RAMP1: variants seen among roughly 807,000 people sequenced by gnomAD.
RAMP1 encodes receptor activity modifying protein 1.
In RAMP1, 7 loss-of-function variants were observed where a neutral mutation model predicts 8.2. The ratio of observed to expected loss-of-function variants is 0.85; its 90% CI spans 0.49 to 1.60. The LOEUF is 1.60. Ranked by LOEUF, RAMP1 falls within the 40% of genes most tolerant of loss-of-function variation. RAMP1 has a pLI of 0.00. For synonymous variants in RAMP1, 92 were observed against 84.7 expected (o/e 1.09, Z -0.47); for missense variants, 192 against 202.4 (o/e 0.95, Z 0.31).
Position 237,862,282 on chromosome 2 carries a change from A to T in RAMP1, c.52+2555A>T, listed in dbSNP as rs943912391. 6.6e-6 allele frequency among the ~76,000 whole-genome samples: 1 copy of T among 152,184 alleles called. No homozygotes were observed. The highest frequency in any genetic ancestry group is 1.5e-5 in the Non-Finnish European group (1 of 68,024). ...GACACAGTTCTCATGCCAAAGTCCA[A>T]ATCTGAAGGATTCTTATTTGTTAAT... On this transcript the variant is annotated intron_variant, in intron 1 of 2. Coordinates refer to ENST00000254661, the MANE Select transcript of RAMP1 (RefSeq NM_005855.4). The surrounding 1 kb of genome is among the most constrained non-coding windows in gnomAD (Gnocchi z 4.0).
At chr2:237,883,911 A>AC (rs1249260837) in intron 2 of RAMP1, among the ~76,000 whole-genome samples, 1 of 119,044 alleles carries the variant, frequency 8.4e-6, no homozygotes, top group African/African-American at 3.9e-5. Context: ...CTGTAGGTCC[A>AC]CTTTTTTTTT....
At position 237,865,950 on chromosome 2, in the gene RAMP1, A is replaced by G. The variant is rs1357735479; in HGVS notation, c.52+6223A>G. ...GTGAAACCAGAGAGCATGCCTGTGT[A>G]GGTTTCCTCCAGTGCCTTATGGTTC... On this transcript the variant is annotated intron_variant, in intron 1 of 2. Coordinates refer to ENST00000254661, the MANE Select transcript of RAMP1 (RefSeq NM_005855.4). The surrounding 1 kb of genome is among the most constrained non-coding windows in gnomAD (Gnocchi z 4.2). 1.3e-5 allele frequency among the ~76,000 whole-genome samples: 2 copies of G among 152,240 alleles called. No individual in the cohort carries two copies. The highest frequency in any genetic ancestry group is 4.8e-5 in the African/African-American group (2 of 41,464).
chr2:237,860,591 G>A (rs1225862593), intron 1 of RAMP1, among the ~76,000 whole-genome samples: 1 of 152,224 alleles, frequency 6.6e-6, no homozygotes, highest in Non-Finnish European at 1.5e-5. Flanking sequence ...ATTATTCCGT[G>A]TATTTAGCTA....
chr2:237,902,634 C>T (rs921462614), intron 2 of RAMP1, among the ~76,000 whole-genome samples: 21 of 152,074 alleles, frequency 1.4e-4, no homozygotes, highest in African/African-American at 3.9e-4. Flanking sequence ...CCCAACGCCC[C>T]GTCCCCGCTC....
At position 237,877,098 on chromosome 2, in the gene RAMP1, C is replaced by A; in HGVS notation, c.53-126C>A. On this transcript the variant is annotated intron_variant, in intron 1 of 2. Coordinates refer to ENST00000254661, the MANE Select transcript of RAMP1 (RefSeq NM_005855.4). This position sits in a 1 kb window ranked among gnomAD's most constrained non-coding sequence, Gnocchi z 4.4. The stretch of plus-strand genomic sequence containing the variant: ...GCGTCCACTTGGAGCCACAGTCGCC[C>A]TCTCCAGGGGTTGCTTAGAGGCCCC... 8.3e-7 allele frequency: 1 copy of A among 1,204,352 alleles called. No homozygotes were observed. The allele number at this position is 1,204,352 out of a possible 1,614,324, so 74.6% of individuals were successfully genotyped here.
rs2062138054 is a variant in RAMP1, at chr2:237,862,027, C to T, written c.52+2300C>T. Among the ~76,000 whole-genome samples the T allele has an allele frequency of 1.3e-5, 2 of 152,048 alleles. No individual in the cohort carries two copies. Among genetic ancestry groups the T allele is most frequent in the African/African-American group, 2.4e-5 (1 of 41,396 alleles). On this transcript the variant is annotated intron_variant, in intron 1 of 2. Coordinates refer to ENST00000254661, the MANE Select transcript of RAMP1 (RefSeq NM_005855.4). This position sits in a 1 kb window ranked among gnomAD's most constrained non-coding sequence, Gnocchi z 4.0. ...TTAGAAGCCCCTGGTTTTTCGAGTC[C>T]ATCTTCACTCAGGGAATGCTGGCTG...
chr2:237,859,647 G>C lies in RAMP1; in HGVS notation c.-29G>C. 1 of 1,440,458 alleles carries C rather than the reference G, an allele frequency of 6.9e-7. No homozygotes were observed. Among genetic ancestry groups the C allele is most frequent in the Non-Finnish European group, 9.1e-7 (1 of 1,094,698 alleles). The allele number at this position is 1,440,458 out of a possible 1,614,324, so 89.2% of individuals were successfully genotyped here. On this transcript the variant is annotated 5_prime_UTR_variant, in exon 1 of 3. Transcript: ENST00000254661. Reference sequence around the variant, plus strand: ...CAGTCCTCAGCGGGGCGCGTGGCGAGCGGACTCGACTCGGCACCGCTGTGC... The same window carrying C: ...CAGTCCTCAGCGGGGCGCGTGGCGACCGGACTCGACTCGGCACCGCTGTGC...
chr2:237,882,138 A>G (rs1296228310), intron 2 of RAMP1, among the ~76,000 whole-genome samples: 2 of 152,116 alleles, frequency 1.3e-5, no homozygotes, highest in Non-Finnish European at 2.9e-5. Context: ...ATTTATGCAA[A>G]CGTCCATCTC....
intron 2 of RAMP1, among the ~76,000 whole-genome samples, chr2:237,904,257 CAA>C (rs111978335): frequency 1.4e-5 from 2 of 145,558 alleles, no homozygotes; most frequent in Non-Finnish European, 1.5e-5. Context: ...ACTAAAAATA[CAA>C]AAAAAAAAAA....
At position 237,886,785 on chromosome 2, in the gene RAMP1, T is replaced by A. The variant is rs117985755; in HGVS notation, c.191+9423T>A. Among the ~76,000 whole-genome samples the A allele has an allele frequency of 7.9e-5, 12 of 152,348 alleles. No individual in the cohort carries two copies. In the East Asian group the frequency reaches 2.1e-3, roughly 27 times the overall value. The stretch of plus-strand genomic sequence containing the variant: ...GCCTGGTTTCACATCCTCCTGAGTA[T>A]GGGGATGAAATCAGGCCTGTGCGTC... On this transcript the variant is annotated intron_variant, in intron 2 of 2. Transcript: ENST00000254661.
chr2:237,877,470 G>A lies in RAMP1; in HGVS notation c.191+108G>A, dbSNP rs955896486. 30 of 1,428,418 alleles carry A rather than the reference G, an allele frequency of 2.1e-5. No homozygotes were observed. In the East Asian group the frequency reaches 3.8e-4, roughly 18 times the overall value. 88.5% of individuals were successfully genotyped at this position (1,428,418 alleles called of 1,614,324 possible). ...CTGTGGAAGATCCTTTCTAGACCCC[G>A]GAAGGGTTCTTCCCCCAGTGGGGGG... is the stretch of plus-strand genomic sequence containing the variant. On this transcript the variant is annotated intron_variant, in intron 2 of 2. Coordinates refer to ENST00000254661, the MANE Select transcript of RAMP1 (RefSeq NM_005855.4). The surrounding 1 kb of genome is among the most constrained non-coding windows in gnomAD (Gnocchi z 4.4).
rs554988844 is a variant in RAMP1, at chr2:237,897,594, G to A, written c.192-13934G>A. On this transcript the variant is annotated intron_variant, in intron 2 of 2. Transcript: ENST00000254661. The stretch of plus-strand genomic sequence containing the variant: ...CAGCAAGCACCTAGTCAGTGGTAAA[G>A]TGCAATATTTAGCTGGTAACAAAGG... Among the ~76,000 whole-genome samples, 14 of 152,248 alleles carry A rather than the reference G, an allele frequency of 9.2e-5. No homozygotes were observed. In the East Asian group the frequency reaches 2.5e-3, roughly 27 times the overall value.
At chr2:237,879,690 TAA>T (rs201233396) in intron 2 of RAMP1, among the ~76,000 whole-genome samples, 1 of 132,004 alleles carries the variant, frequency 7.6e-6, no homozygotes, top group Non-Finnish European at 1.6e-5. Context: ...CTTAAAGTAT[TAA>T]AAAAAAAAAA....
intron 2 of RAMP1, among the ~76,000 whole-genome samples, chr2:237,905,875 G>A (rs1234633477): frequency 1.3e-5 from 2 of 152,066 alleles, no homozygotes; most frequent in Non-Finnish European, 2.9e-5. Flanking sequence ...GCCAGGCATG[G>A]TGGACCATGT....
intron 1 of RAMP1, among the ~76,000 whole-genome samples, chr2:237,876,710 G>A (rs554514257): frequency 5.3e-5 from 8 of 152,278 alleles, no homozygotes; most frequent in South Asian, 2.1e-4. Context: ...GATTCTGTGC[G>A]GGGCATCGCT....
intron 2 of RAMP1, among the ~76,000 whole-genome samples, chr2:237,895,407 G>A (rs775788092): frequency 2.0e-5 from 3 of 152,136 alleles, no homozygotes; most frequent in Non-Finnish European, 2.9e-5. Context: ...CCGAGGCTCC[G>A]TAACTGCCAA....
At chr2:237,900,952 A>G (rs2151020541) in intron 2 of RAMP1, among the ~76,000 whole-genome samples, 1 of 152,346 alleles carries the variant, frequency 6.6e-6, no homozygotes, top group Middle Eastern at 3.4e-3. Flanking sequence ...GCATCGGTTT[A>G]TTAACATTAT....
At chr2:237,867,118 C>T (rs114728919) in intron 1 of RAMP1, among the ~76,000 whole-genome samples, 1,612 of 152,160 alleles carry the variant, frequency 0.011, 31 homozygotes, top group African/African-American at 0.036. Context: ...GCCTGTAATC[C>T]TTGCATTTTG....
chr2:237,859,749 G>A (rs1222691576), intron 1 of RAMP1, 22 bp downstream of exon 1: 2 of 1,502,066 alleles, frequency 1.3e-6, no homozygotes, highest in African/African-American at 1.5e-5. Flanking sequence ...CAGGGGTCCC[G>A]GCCGAGCTCC....
Sources: gnomAD v4.1 joint callset for allele counts (sites outside exome capture counted in the v4.1 genomes callset) on GRCh38, gnomAD v4.1.1 for gene constraint, Gnocchi (gnomAD v3.1) non-coding constraint, MANE v1.5 for transcripts, NCBI Gene and HGNC (gene_info 2026-07-23, HGNC 2026-07-21) for gene names.